CDK8: variants seen among roughly 807,000 people sequenced by gnomAD.
CDK8 encodes the protein cyclin dependent kinase 8.
CDK8 carries 29 observed loss-of-function variants against 71.5 expected under a neutral mutation model. The observed-to-expected ratio is 0.41, with a 90% CI of 0.30 to 0.55. The LOEUF (loss-of-function observed/expected upper bound fraction) is 0.55. Among genes scored for constraint, CDK8 ranks in the 20% least tolerant of loss-of-function variants. CDK8 has a pLI of 0.37. For synonymous variants in CDK8, 161 were observed against 192.1 expected (o/e 0.84, Z 1.34); for missense variants, 288 against 572.6 (o/e 0.50, Z 5.07).
chr13:26,269,052 A>T (rs964136088), intron 1 of CDK8, among the ~76,000 whole-genome samples: 4 of 152,038 alleles, frequency 2.6e-5, no homozygotes, highest in African/African-American at 9.7e-5. Flanking sequence ...TCACTTATGG[A>T]CTTGCCTCCA....
chr13:26,289,051 G>GTTT lies in CDK8; in HGVS notation c.128+34304_128+34306dup, dbSNP rs5802371. Among the ~76,000 whole-genome samples, 77 of 56,238 alleles carry GTTT rather than the reference G, an allele frequency of 1.4e-3. 1 individual carries two copies. The highest frequency in any genetic ancestry group is 3.6e-3 in the African/African-American group (61 of 16,756). 36.9% of individuals were successfully genotyped at this position (56,238 alleles called of 152,430 possible). A position where few individuals can be genotyped will look rare whatever the true frequency, so the allele number is the denominator to read the frequency against. ...GCTGCATCCAGACTAAGCTTCTGTA[G>GTTT]TTTTTTTTTTTTTTTTTTTTTTTTG... is the stretch of plus-strand genomic sequence containing the variant. On this transcript the variant is annotated intron_variant, in intron 1 of 12. Coordinates refer to ENST00000381527, the MANE Select transcript of CDK8 (RefSeq NM_001260.3).
Position 26,254,854 on chromosome 13 carries a change from C to G in CDK8, c.128+85C>G. 6.5e-7 allele frequency: 1 copy of G among 1,534,826 alleles called. No individual in the cohort carries two copies. ...GGTAGCCCGGAGGGAGAGCGGGCCG[C>G]CGGGGTGCCGGGCTCTGACTTCCTC... On this transcript the variant is annotated intron_variant, in intron 1 of 12. Coordinates refer to ENST00000381527, the MANE Select transcript of CDK8 (RefSeq NM_001260.3). The surrounding 1 kb of genome is among the most constrained non-coding windows in gnomAD (Gnocchi z 6.7).
intron 1 of CDK8, among the ~76,000 whole-genome samples, chr13:26,313,084 G>C (rs1423557589): frequency 6.6e-6 from 1 of 152,022 alleles, no homozygotes; most frequent in African/African-American, 2.4e-5. Context: ...TAACTCCCAG[G>C]TCAGATTGGT....
intron 1 of CDK8, among the ~76,000 whole-genome samples, chr13:26,306,331 A>G (rs1874038553): frequency 6.6e-6 from 1 of 152,148 alleles, no homozygotes; most frequent in Non-Finnish European, 1.5e-5. Flanking sequence ...GAGCTTCTTA[A>G]TAGTCTCTTT....
chr13:26,332,470 G>A (rs189613769), intron 1 of CDK8, among the ~76,000 whole-genome samples: 2 of 135,876 alleles, frequency 1.5e-5, no homozygotes, highest in East Asian at 4.5e-4. Context: ...GGGCAACAGA[G>A]CAAGACTCCA....
At chr13:26,399,926 G>T (rs555542579) in intron 9 of CDK8, 1 of 153,536 alleles carries the variant, frequency 6.5e-6, no homozygotes, top group African/African-American at 2.4e-5. Context: ...ATTTAGACTA[G>T]AACAGCACTG....
At chr13:26,270,041 C>T (rs7992786) in intron 1 of CDK8, among the ~76,000 whole-genome samples, 24,590 of 151,898 alleles carry the variant, frequency 0.16, 3,400 homozygotes, top group African/African-American at 0.38. Context: ...TAAAGTTTTT[C>T]TTAATATGGC....
intron 1 of CDK8, among the ~76,000 whole-genome samples, chr13:26,330,484 C>T (rs1593267854): frequency 6.6e-6 from 1 of 152,210 alleles, no homozygotes; most frequent in Non-Finnish European, 1.5e-5. Flanking sequence ...GGATTACAGG[C>T]GTGAGCTACC....
intron 1 of CDK8, among the ~76,000 whole-genome samples, chr13:26,275,847 CTT>C (rs1391923256): frequency 6.6e-6 from 1 of 151,924 alleles, no homozygotes; most frequent in African/African-American, 2.4e-5. Flanking sequence ...CTTGAGGAAA[CTT>C]TGGTGTTATT....
At chr13:26,310,632 C>T (rs1224658008) in intron 1 of CDK8, among the ~76,000 whole-genome samples, 1 of 152,130 alleles carries the variant, frequency 6.6e-6, no homozygotes, top group East Asian at 1.9e-4. Flanking sequence ...GGAGGCAGAG[C>T]TTAGGTGGTA....
intron 1 of CDK8, among the ~76,000 whole-genome samples, chr13:26,335,080 C>T (rs1453257719): frequency 1.3e-5 from 2 of 152,138 alleles, no homozygotes; most frequent in Non-Finnish European, 2.9e-5. Flanking sequence ...CAGTGCTTAT[C>T]ATAATCAAGT....
At chr13:26,365,992 T>G (rs1412607925) in intron 4 of CDK8, among the ~76,000 whole-genome samples, 3 of 152,092 alleles carry the variant, frequency 2.0e-5, no homozygotes, top group African/African-American at 4.8e-5. Context: ...CCATAAAAAT[T>G]AATATCTCAG....
intron 1 of CDK8, among the ~76,000 whole-genome samples, chr13:26,281,005 A>G (rs1872723669): frequency 1.3e-5 from 2 of 152,238 alleles, no homozygotes; most frequent in Non-Finnish European, 2.9e-5. Context: ...GTGCTCTCTC[A>G]AAACTGCCAC....
chr13:26,338,182 T>A (rs907585489), intron 2 of CDK8, among the ~76,000 whole-genome samples: 2 of 152,120 alleles, frequency 1.3e-5, no homozygotes, highest in Non-Finnish European at 2.9e-5. Flanking sequence ...ATCCATACAT[T>A]TAAACTGAGT....
intron 4 of CDK8, among the ~76,000 whole-genome samples, chr13:26,354,899 T>C (rs527550842): frequency 7.0e-4 from 106 of 152,366 alleles, no homozygotes; most frequent in African/African-American, 2.5e-3. Flanking sequence ...TACATTGCTT[T>C]TATAGTTCTT....
intron 2 of CDK8, among the ~76,000 whole-genome samples, chr13:26,341,415 G>A (rs1002048355): frequency 2.0e-5 from 3 of 152,116 alleles, no homozygotes; most frequent in South Asian, 2.1e-4. Flanking sequence ...ATGAGCCATC[G>A]TGCCCGGCCA....
At chr13:26,361,784 C>CTTTTTTTTTTTTTTTT (rs553508554) in intron 4 of CDK8, among the ~76,000 whole-genome samples, 12 of 63,346 alleles carry the variant, frequency 1.9e-4, no homozygotes, top group Admixed American at 5.0e-4. Flanking sequence ...TTTCTTTTCC[C>CTTTTTTTTTTTTTTTT]TTTTTTTTTT....
At chr13:26,285,309 A>G (rs1436948857) in intron 1 of CDK8, among the ~76,000 whole-genome samples, 1 of 152,254 alleles carries the variant, frequency 6.6e-6, no homozygotes, top group Non-Finnish European at 1.5e-5. Context: ...ATAATACACC[A>G]TAATCAAGTG....
At chr13:26,388,221 A>G (rs1459823334) in intron 6 of CDK8, among the ~76,000 whole-genome samples, 1 of 152,232 alleles carries the variant, frequency 6.6e-6, no homozygotes, top group Non-Finnish European at 1.5e-5. Context: ...TTACAGAAAA[A>G]TAAGTCAGTT....
Sources: allele counts gnomAD v4.1 joint callset (sites outside exome capture counted in the v4.1 genomes callset), GRCh38; gene constraint gnomAD v4.1.1; non-coding constraint Gnocchi (gnomAD v3.1); transcripts MANE v1.5; gene names NCBI Gene and HGNC (gene_info 2026-07-23, HGNC 2026-07-21).